SPOCK3: variants seen among roughly 807,000 people sequenced by gnomAD.
SPOCK3 encodes the protein testican-3.
A neutral mutation model predicts 56.6 loss-of-function variants in SPOCK3; 30 were observed. That is an observed-to-expected ratio of 0.53 (90% CI 0.40 to 0.72). The LOEUF (loss-of-function observed/expected upper bound fraction) is 0.72, where lower values mean the gene tolerates loss of function less well. Among genes scored for constraint, SPOCK3 ranks in the 30% least tolerant of loss-of-function variants. SPOCK3 has a pLI of 0.00. For missense variants in SPOCK3, 527 were observed against 530.0 expected (o/e 0.99, Z 0.06); for synonymous variants, 196 against 183.3 (o/e 1.07, Z -0.56).
chr4:166,894,639 A>C (rs1365920867), intron 5 of SPOCK3, among the ~76,000 whole-genome samples: 1 of 152,180 alleles, frequency 6.6e-6, no homozygotes, highest in East Asian at 1.9e-4. Flanking sequence ...GTAAGTGTGC[A>C]ATCCTTGTCA....
At chr4:167,050,430 T>A (rs1298686784) in intron 3 of SPOCK3, among the ~76,000 whole-genome samples, 2 of 152,060 alleles carry the variant, frequency 1.3e-5, no homozygotes, top group African/African-American at 4.8e-5. Context: ...TGAGGAAAAA[T>A]TGGAACCCTG....
At chr4:166,929,833 T>C (rs1037051587) in intron 4 of SPOCK3, among the ~76,000 whole-genome samples, 1 of 152,230 alleles carries the variant, frequency 6.6e-6, no homozygotes, top group African/African-American at 2.4e-5. Flanking sequence ...ATTATTAGTC[T>C]AATACATGTG....
At chr4:166,756,158 C>A (rs541829924) in intron 7 of SPOCK3, among the ~76,000 whole-genome samples, 1 of 29,926 alleles carries the variant, frequency 3.3e-5, no homozygotes, top group Non-Finnish European at 7.2e-5. Context: ...CACTCCCACC[C>A]GAATATTGCG....
intron 6 of SPOCK3, among the ~76,000 whole-genome samples, chr4:166,847,072 AAAAAG>A (rs1360904681): frequency 3.9e-5 from 6 of 152,154 alleles, no homozygotes; most frequent in African/African-American, 1.4e-4. Context: ...GAGATCTATT[AAAAAG>A]AAAAGTGAAA....
intron 4 of SPOCK3, among the ~76,000 whole-genome samples, chr4:166,958,520 T>C (rs28676875): frequency 0.17 from 25,361 of 152,114 alleles, 3,183 homozygotes; most frequent in African/African-American, 0.35. Context: ...TCTCCCTGAC[T>C]CAAATCTTGT....
At chr4:167,092,199 C>A (rs1561206816) in intron 2 of SPOCK3, among the ~76,000 whole-genome samples, 1 of 152,144 alleles carries the variant, frequency 6.6e-6, no homozygotes, top group African/African-American at 2.4e-5. Flanking sequence ...GGTCGGGGAA[C>A]TCCCTCTCCT....
intron 6 of SPOCK3, among the ~76,000 whole-genome samples, chr4:166,865,185 T>G (rs985982528): frequency 6.6e-6 from 1 of 152,144 alleles, no homozygotes; most frequent in Non-Finnish European, 1.5e-5. Context: ...AAAAACCACA[T>G]GATTATCTCA....
chr4:166,877,152 T>C (rs1446114083), intron 6 of SPOCK3, among the ~76,000 whole-genome samples: 1 of 152,122 alleles, frequency 6.6e-6, no homozygotes, highest in Non-Finnish European at 1.5e-5. Context: ...GTTGATCTCA[T>C]TATATTTTGA....
chr4:166,747,846 A>T (rs199679742), intron 8 of SPOCK3, among the ~76,000 whole-genome samples: 1 of 151,302 alleles, frequency 6.6e-6, no homozygotes, highest in Non-Finnish European at 1.5e-5. Flanking sequence ...CAATAACAGA[A>T]AAACAGAGAG....
intron 2 of SPOCK3, among the ~76,000 whole-genome samples, chr4:167,144,939 C>G (rs1271213031): frequency 1.3e-5 from 2 of 151,260 alleles, no homozygotes; most frequent in Non-Finnish European, 2.9e-5. Context: ...ACAGGCATCT[C>G]AAAATTAATA....
At chr4:166,771,921 A>T (rs1345465219) in intron 7 of SPOCK3, among the ~76,000 whole-genome samples, 1 of 152,060 alleles carries the variant, frequency 6.6e-6, no homozygotes, top group Non-Finnish European at 1.5e-5. Flanking sequence ...TTCAGGACTT[A>T]TATTTCACCT....
intron 4 of SPOCK3, among the ~76,000 whole-genome samples, chr4:166,998,797 T>G (rs1354005843): frequency 6.6e-6 from 1 of 152,154 alleles, no homozygotes; most frequent in African/African-American, 2.4e-5. Context: ...GGAGATAAAC[T>G]GACTTAGTCT....
intron 3 of SPOCK3, among the ~76,000 whole-genome samples, chr4:167,055,514 G>A (rs1251846772): frequency 2.0e-5 from 3 of 152,222 alleles, no homozygotes; most frequent in Non-Finnish European, 4.4e-5. Context: ...CCTCACATGG[G>A]AAGCCCAAGG....
intron 3 of SPOCK3, among the ~76,000 whole-genome samples, chr4:167,046,063 T>G (rs1180163454): frequency 6.6e-6 from 1 of 152,162 alleles, no homozygotes; most frequent in African/African-American, 2.4e-5. Flanking sequence ...GCAGTAAAAT[T>G]TAACAGGGTA....
chr4:167,029,724 T>C (rs963944616), intron 3 of SPOCK3, among the ~76,000 whole-genome samples: 11 of 152,074 alleles, frequency 7.2e-5, no homozygotes, highest in African/African-American at 2.4e-4. Context: ...TATTTGCTGT[T>C]CTTCAATAAG....
chr4:166,774,209 T>C (rs114089467), intron 7 of SPOCK3, among the ~76,000 whole-genome samples: 2,006 of 152,284 alleles, frequency 0.013, 17 homozygotes, highest in Middle Eastern at 0.027. Context: ...ACTCTCCTCC[T>C]CCATCTTTTT....
intron 4 of SPOCK3, among the ~76,000 whole-genome samples, chr4:166,939,551 G>A (rs900301727): frequency 3.3e-5 from 5 of 152,130 alleles, no homozygotes; most frequent in African/African-American, 9.7e-5. Flanking sequence ...GTTCTATGCA[G>A]GAAATGATAC....
intron 3 of SPOCK3, among the ~76,000 whole-genome samples, chr4:167,012,843 C>T (rs775247958): frequency 2.6e-5 from 4 of 151,844 alleles, no homozygotes; most frequent in Non-Finnish European, 4.4e-5. Context: ...TAACTCTATG[C>T]TGTAAAGCTA....
chr4:167,048,553 T>C (rs1037052483), intron 3 of SPOCK3, among the ~76,000 whole-genome samples: 3 of 152,128 alleles, frequency 2.0e-5, no homozygotes, highest in African/African-American at 7.2e-5. Flanking sequence ...TTTCCTTCCA[T>C]AACAAATGCC....
Sources: gnomAD v4.1 joint callset for allele counts (sites outside exome capture counted in the v4.1 genomes callset) on GRCh38, gnomAD v4.1.1 for gene constraint, MANE v1.5 for transcripts, NCBI Gene and HGNC (gene_info 2026-07-23, HGNC 2026-07-21) for gene names.